The following DCAF6 variants were observed in gnomAD, a reference collection of about 807,000 sequenced individuals.
DCAF6 encodes DDB1- and CUL4-associated factor 6.
A neutral mutation model predicts 125.1 loss-of-function variants in DCAF6; 54 were observed. The ratio of observed to expected loss-of-function variants is 0.43; its 90% CI spans 0.35 to 0.54. The LOEUF (loss-of-function observed/expected upper bound fraction) is 0.54, where lower values mean the gene tolerates loss of function less well. DCAF6 is among the 20% of genes least tolerant of loss of function. The pLI is 0.01. For missense variants in DCAF6, 934 were observed against 1,161.7 expected, an observed-to-expected ratio of 0.80 and a Z score of 2.85; for synonymous variants, 371 against 390.4, an observed-to-expected ratio of 0.95 and a Z score of 0.58.
intron 10 of DCAF6, among the ~76,000 whole-genome samples, chr1:168,006,214 A>G (rs1043272226): frequency 3.3e-5 from 5 of 152,154 alleles, no homozygotes; most frequent in African/African-American, 1.2e-4. Context: ...ACTGCATTTC[A>G]AATTGCTAAA....
At chr1:167,966,552 A>C in intron 2 of DCAF6, 77 bp from the exon 3 acceptor site, 1 of 916,916 alleles carries the variant, frequency 1.1e-6, no homozygotes, top group Non-Finnish European at 1.8e-6. Flanking sequence ...AAAATTTTGT[A>C]CCGCCAGGTG....
At chr1:167,882,484 C>CAAAAA in the DCAF6 span, among the ~76,000 whole-genome samples, 164 of 71,012 alleles carry the variant, frequency 2.3e-3, 4 homozygotes, top group East Asian at 0.013. Flanking sequence ...GATTCCGTCT[C>CAAAAA]AAAAAAAAAA....
the DCAF6 span, among the ~76,000 whole-genome samples, chr1:167,881,986 T>A: frequency 6.6e-6 from 1 of 152,244 alleles, no homozygotes; most frequent in East Asian, 1.9e-4. Flanking sequence ...ATATATGTGT[T>A]ACTCATCTCT....
chr1:168,009,361 TCC>T (rs1557970865), intron 10 of DCAF6, among the ~76,000 whole-genome samples: 8 of 136,922 alleles, frequency 5.8e-5, no homozygotes, highest in African/African-American at 2.6e-4. Flanking sequence ...CTTCCTTCCT[TCC>T]TTCCTTCCTT....
At chr1:167,981,294 G>C (rs775769947) in intron 4 of DCAF6, among the ~76,000 whole-genome samples, 1 of 152,046 alleles carries the variant, frequency 6.6e-6, no homozygotes, top group Non-Finnish European at 1.5e-5. Context: ...GCATATGTAG[G>C]GTAAGGGTCT....
chr1:167,880,316 G>T, the DCAF6 span: 6 of 1,046,542 alleles, frequency 5.7e-6, no homozygotes, highest in Non-Finnish European at 8.8e-6. Context: ...CTACCCGTTG[G>T]AATTAGTTTA....
chr1:167,981,568 T>G (rs1679135792), intron 4 of DCAF6, among the ~76,000 whole-genome samples: 1 of 152,226 alleles, frequency 6.6e-6, no homozygotes, highest in South Asian at 2.1e-4. Context: ...TTTCTGTTGT[T>G]GCCATCTTTA....
upstream of DCAF6, among the ~76,000 whole-genome samples, chr1:167,931,349 A>T (rs1402128545): frequency 1.3e-5 from 2 of 152,228 alleles, no homozygotes; most frequent in Non-Finnish European, 2.9e-5. Flanking sequence ...ATAGGCCCTC[A>T]ATAAATATTG....
chr1:167,928,241 G>A, the DCAF6 span, among the ~76,000 whole-genome samples: 20 of 151,450 alleles, frequency 1.3e-4, no homozygotes, highest in African/African-American at 4.6e-4. Flanking sequence ...CCAGCTACTC[G>A]GGAGGCTGAG....
At chr1:167,904,675 A>G in the DCAF6 span, 20 of 591,314 alleles carry the variant, frequency 3.4e-5, no homozygotes, top group Middle Eastern at 4.4e-4. Context: ...CCTGAGGTCA[A>G]TTTTGACTGG....
At chr1:167,916,483 A>T in the DCAF6 span, among the ~76,000 whole-genome samples, 1 of 152,262 alleles carries the variant, frequency 6.6e-6, no homozygotes, top group Non-Finnish European at 1.5e-5. Context: ...CTCGGATTAC[A>T]GGCGTGAGCC....
chr1:167,875,378 G>C, the DCAF6 span, among the ~76,000 whole-genome samples: 7 of 152,178 alleles, frequency 4.6e-5, no homozygotes, highest in African/African-American at 1.4e-4. Flanking sequence ...AGAATCCAAA[G>C]AACTCAGGTA....
chr1:168,049,278 T>C (rs1689535277), intron 16 of DCAF6, among the ~76,000 whole-genome samples: 1 of 152,176 alleles, frequency 6.6e-6, no homozygotes, highest in Non-Finnish European at 1.5e-5. Flanking sequence ...GGTCTTGCCC[T>C]GTTGCCCAGG....
At chr1:168,003,026 G>T (rs180849590) in intron 8 of DCAF6, among the ~76,000 whole-genome samples, 2 of 152,126 alleles carry the variant, frequency 1.3e-5, no homozygotes, top group South Asian at 4.2e-4. Flanking sequence ...CTTGAAAATA[G>T]AATTAATCTA....
intron 21 of DCAF6, among the ~76,000 whole-genome samples, chr1:168,069,652 T>C (rs1692788655): frequency 6.6e-6 from 1 of 152,192 alleles, no homozygotes; most frequent in Non-Finnish European, 1.5e-5. Context: ...AAGACCCATA[T>C]GTTTGTAATT....
chr1:167,951,044 TC>T (rs1159939018), intron 1 of DCAF6, among the ~76,000 whole-genome samples: 1 of 152,252 alleles, frequency 6.6e-6, no homozygotes, highest in Non-Finnish European at 1.5e-5. Context: ...ATCTTTTATC[TC>T]TTTTTCCTGC....
intron 1 of DCAF6, among the ~76,000 whole-genome samples, chr1:167,948,228 T>C (rs576668628): frequency 5.9e-5 from 9 of 152,196 alleles, no homozygotes; most frequent in African/African-American, 1.9e-4. Context: ...CTGATTATAA[T>C]GTTGCCATGG....
At chr1:168,049,154 A>G (rs903465110) in intron 16 of DCAF6, among the ~76,000 whole-genome samples, 2 of 152,258 alleles carry the variant, frequency 1.3e-5, no homozygotes, top group Admixed American at 1.3e-4. Context: ...TCCTAATGTC[A>G]AAAATAAGTC....
At chr1:167,869,237 T>A in the DCAF6 span, among the ~76,000 whole-genome samples, 2 of 152,232 alleles carry the variant, frequency 1.3e-5, no homozygotes, top group African/African-American at 4.8e-5. Flanking sequence ...ACCTGCTTAC[T>A]GCTCCCTTGC....
Sources: gnomAD v4.1 joint callset for allele counts (sites outside exome capture counted in the v4.1 genomes callset) on GRCh38, gnomAD v4.1.1 for gene constraint, MANE v1.5 for transcripts, NCBI Gene and HGNC (gene_info 2026-07-23, HGNC 2026-07-21) for gene names.